CSMD1: variants seen among roughly 807,000 people sequenced by gnomAD.
CSMD1 encodes the protein CUB and Sushi multiple domains 1, also known as CUB and sushi domain-containing protein 1.
CSMD1 carries 213 observed loss-of-function variants against 417.5 expected under a neutral mutation model. The observed-to-expected ratio is 0.51, with a 90% CI of 0.46 to 0.57. The LOEUF (loss-of-function observed/expected upper bound fraction) is 0.57, where lower values mean the gene tolerates loss of function less well. Among genes scored for constraint, CSMD1 ranks in the 20% least tolerant of loss-of-function variants. The probability of loss-of-function intolerance (pLI) is 0.00; values close to 1 mark genes in which losing one functional copy is unlikely to be tolerated. For synonymous variants in CSMD1, 2,862 were observed against 1,736.8 expected, an observed-to-expected ratio of 1.65 and a Z score of -16.11; for missense variants, 6,923 against 4,529.7, an observed-to-expected ratio of 1.53 and a Z score of -15.17.
intron 5 of CSMD1, among the ~76,000 whole-genome samples, chr8:3,816,301 G>T (rs556018894): frequency 6.6e-6 from 1 of 152,152 alleles, no homozygotes; most frequent in Admixed American, 6.5e-5. Context: ...ATTCTCTGCA[G>T]TTTCCCTTGC....
chr8:4,161,049 G>A (rs566926889), intron 3 of CSMD1, among the ~76,000 whole-genome samples: 4 of 151,772 alleles, frequency 2.6e-5, no homozygotes, highest in Admixed American at 6.6e-5. Flanking sequence ...CTTAAAAACT[G>A]AGCAGTCCCA....
chr8:3,121,227 T>A (rs2125953), intron 41 of CSMD1, among the ~76,000 whole-genome samples: 50,390 of 152,114 alleles, frequency 0.33, 14,192 homozygotes, highest in African/African-American at 0.77. Context: ...TGACAACAGC[T>A]TCCTGTGGTT....
chr8:4,990,492 T>C (rs1425448472), intron 1 of CSMD1, among the ~76,000 whole-genome samples: 1 of 152,134 alleles, frequency 6.6e-6, no homozygotes, highest in Non-Finnish European at 1.5e-5. Flanking sequence ...GCCTCCTGAA[T>C]AGCTGGGATT....
At chr8:3,183,454 T>C (rs1821553785) in intron 36 of CSMD1, among the ~76,000 whole-genome samples, 1 of 112,290 alleles carries the variant, frequency 8.9e-6, no homozygotes, top group African/African-American at 3.7e-5. Flanking sequence ...CTAATCTATC[T>C]ATCCCTGAAA....
In CSMD1 at chr8:4,140,236, G is replaced by A. The variant is rs564986792; in HGVS notation, c.416-108137C>T. 5.5e-4 allele frequency among the ~76,000 whole-genome samples: 73 copies of A among 132,688 alleles called. No homozygotes were observed. The South Asian group carries it at 0.017, about 31-fold the overall frequency. The allele number at this position is 132,688 out of a possible 152,430, so 87.0% of individuals were successfully genotyped here. A position where few individuals can be genotyped will look rare whatever the true frequency, so the allele number is the denominator to read the frequency against. ...AAATTCATCTGGATATGAAGGCTCA[G>A]CCTGTCATCTAGCACTTTGGGAAGC... is the stretch of plus-strand genomic sequence containing the variant. On this transcript the variant is annotated intron_variant, in intron 3 of 69. Transcript: ENST00000635120.
intron 1 of CSMD1, among the ~76,000 whole-genome samples, chr8:4,770,943 C>G (rs913813169): frequency 6.6e-6 from 1 of 151,972 alleles, no homozygotes; most frequent in Non-Finnish European, 1.5e-5. Flanking sequence ...ACAGAACAAA[C>G]AATAAATAAA....
chr8:4,984,350 T>C (rs1380246493), intron 1 of CSMD1, among the ~76,000 whole-genome samples: 1 of 152,218 alleles, frequency 6.6e-6, no homozygotes, highest in Non-Finnish European at 1.5e-5. Flanking sequence ...TGCATATAAA[T>C]CTGCATATTT....
intron 49 of CSMD1, among the ~76,000 whole-genome samples, chr8:3,056,879 T>C (rs1034308431): frequency 2.0e-5 from 3 of 152,158 alleles, no homozygotes; most frequent in South Asian, 2.1e-4. Context: ...ATATAAATGC[T>C]AATCAAAATT....
At chr8:3,711,331 G>C (rs1442071985) in intron 6 of CSMD1, among the ~76,000 whole-genome samples, 1 of 152,114 alleles carries the variant, frequency 6.6e-6, no homozygotes, top group Admixed American at 6.5e-5. Context: ...CGAGGAGGTG[G>C]GCCACCCAGA....
At chr8:3,384,346 C>T (rs745308696) in intron 18 of CSMD1, among the ~76,000 whole-genome samples, 1 of 151,970 alleles carries the variant, frequency 6.6e-6, no homozygotes, top group South Asian at 2.1e-4. Context: ...CCAATTTGAG[C>T]AACACTATGT....
intron 3 of CSMD1, among the ~76,000 whole-genome samples, chr8:4,208,873 C>G (rs73658485): frequency 0.019 from 2,827 of 152,148 alleles, 118 homozygotes; most frequent in African/African-American, 0.065. Flanking sequence ...TTCAAAATAC[C>G]AGGGAGTGTG....
rs759533233 is a variant in CSMD1, at chr8:3,369,284, T to G, written c.2869A>C (p.Thr957Pro). 6.3e-7 allele frequency: 1 copy of G among 1,594,728 alleles called. No homozygotes were observed. Among genetic ancestry groups the G allele is most frequent in the Non-Finnish European group, 8.6e-7 (1 of 1,162,920 alleles). Residue 957 changes from threonine (T) to proline (P), a missense_variant, in exon 19 of 70, where the codon ACG becomes CCG. Physicochemically the swap from Thr to Pro is conservative, Grantham distance 38. Transcript: ENST00000635120. ...CCATGAGACACTTCAATGGTCCACG[T>G]GCAGTTTAGAGAGTTTGGATAAAAA... ...PDFYPNSLNC[T>P]WTIEVSHGKG...
At chr8:4,019,363 C>G (rs752681834) in intron 4 of CSMD1, among the ~76,000 whole-genome samples, 9 of 152,090 alleles carry the variant, frequency 5.9e-5, no homozygotes, top group Non-Finnish European at 1.0e-4. Context: ...GTGTCTGTTC[C>G]CATACATCTC....
At chr8:3,736,775 G>T (rs145692064) in intron 6 of CSMD1, among the ~76,000 whole-genome samples, 21 of 152,320 alleles carry the variant, frequency 1.4e-4, no homozygotes, top group African/African-American at 4.8e-4. Flanking sequence ...TTTTGCCTCA[G>T]ATCCTCATCT....
intron 3 of CSMD1, among the ~76,000 whole-genome samples, chr8:4,117,632 A>T (rs1802233321): frequency 6.6e-6 from 1 of 152,350 alleles, no homozygotes; most frequent in African/African-American, 2.4e-5. Flanking sequence ...GGTGTGTTAA[A>T]ACGCTGAAGC....
intron 3 of CSMD1, among the ~76,000 whole-genome samples, chr8:4,331,461 G>C (rs1007800262): frequency 3.9e-5 from 6 of 152,108 alleles, no homozygotes; most frequent in Non-Finnish European, 7.3e-5. Context: ...CGAGAGCCTT[G>C]CCAGCCTTCT....
chr8:3,461,876 G>C (rs996149102), intron 12 of CSMD1, among the ~76,000 whole-genome samples: 15 of 152,188 alleles, frequency 9.9e-5, no homozygotes, highest in African/African-American at 3.1e-4. Flanking sequence ...GTGAGGACTT[G>C]GGTCAGCATC....
chr8:4,193,460 C>T (rs1272848091), intron 3 of CSMD1, among the ~76,000 whole-genome samples: 5 of 151,704 alleles, frequency 3.3e-5, no homozygotes. Flanking sequence ...TCATGTTTTC[C>T]CTGGATGGAA....
Position 3,399,377 on chromosome 8 carries a change from A to C in CSMD1, c.2405+14T>G, listed in dbSNP as rs750769863. 6.3e-7 allele frequency: 1 copy of C among 1,590,682 alleles called. No homozygotes were observed. The highest frequency in any genetic ancestry group is 1.2e-5 in the South Asian group (1 of 85,864). ...ACACCATTGGGTCCAAATGAAGACTAATTTTTTTCTTACCTGTCAAAAGTT... is the reference window on the plus strand; with the variant it reads ...ACACCATTGGGTCCAAATGAAGACTCATTTTTTTCTTACCTGTCAAAAGTT... On this transcript the variant is annotated intron_variant, in intron 16 of 69. Transcript: ENST00000635120.
Sources: allele counts gnomAD v4.1 joint callset (sites outside exome capture counted in the v4.1 genomes callset), GRCh38; gene constraint gnomAD v4.1.1; transcripts MANE v1.5; gene names NCBI Gene and HGNC (gene_info 2026-07-23, HGNC 2026-07-21).